The following GREM2 variants were observed in gnomAD, a reference collection of about 807,000 sequenced individuals.
The protein encoded by GREM2 is gremlin 2, DAN family BMP antagonist.
Under a neutral mutation model 14.2 loss-of-function variants are expected in GREM2, and 11 were observed. That is an observed-to-expected ratio of 0.78 (90% CI 0.49 to 1.28). GREM2 has a LOEUF of 1.28. GREM2 is among the 50% of genes most tolerant of loss of function. GREM2 has a pLI of 0.00. For missense variants in GREM2, 210 were observed against 218.5 expected (o/e 0.96, Z 0.24); for synonymous variants, 98 against 97.6 (o/e 1.00, Z -0.02).
intron 1 of GREM2, among the ~76,000 whole-genome samples, chr1:240,495,804 G>GTCTAA (rs1677400030): frequency 2.6e-5 from 4 of 152,134 alleles, no homozygotes; most frequent in African/African-American, 9.7e-5. Flanking sequence ...AACCACAAGA[G>GTCTAA]GCCTTTGCAT....
chr1:240,605,795 C>T (rs1403001345), intron 1 of GREM2, among the ~76,000 whole-genome samples: 1 of 151,978 alleles, frequency 6.6e-6, no homozygotes, highest in Non-Finnish European at 1.5e-5. Flanking sequence ...GATAAATTTA[C>T]AGGAACACCT....
chr1:240,597,684 G>C (rs1034507899), intron 1 of GREM2, among the ~76,000 whole-genome samples: 1 of 152,190 alleles, frequency 6.6e-6, no homozygotes, highest in South Asian at 2.1e-4. Context: ...CTCAATAAAT[G>C]TTTGTTGAAT....
At position 240,493,181 on chromosome 1, in the gene GREM2, C is replaced by T. The variant is rs1677305907; in HGVS notation, c.295G>A (p.Gly99Ser). 1.2e-6 allele frequency: 2 copies of T among 1,613,992 alleles called. No homozygotes were observed. Among genetic ancestry groups the T allele is most frequent in the African/African-American group, 1.3e-5 (1 of 74,914 alleles). Residue 99 changes from glycine (G) to serine (S), a missense_variant, in exon 2 of 2, where the codon GGC (glycine) becomes AGC (serine). Transcript: ENST00000318160. ...GGGATGTAGAAGGAGTTGCACTGGC[C>T]GTAGCAGAAGCGGTTGAGGATGGTG... is the stretch of plus-strand genomic sequence containing the variant. ...SRTILNRFCYGQCNSFYIPRH... is the reference protein window; with the variant it reads ...SRTILNRFCYSQCNSFYIPRH...
rs147577780 is a variant in GREM2, at chr1:240,587,811, A to G, written c.-2+24073T>C. On this transcript the variant is annotated intron_variant, in intron 1 of 1. Coordinates refer to ENST00000318160, the MANE Select transcript of GREM2 (RefSeq NM_022469.4). ...TTCTGTGTTTTTATTGTGAAAGAAC[A>G]CCCTACCTATGCTAGATTCTGAATC... is the stretch of plus-strand genomic sequence containing the variant. 3.8e-3 allele frequency among the ~76,000 whole-genome samples: 572 copies of G among 152,252 alleles called. 4 individuals are homozygous for G. Among genetic ancestry groups the G allele is most frequent in the African/African-American group, 0.012 (511 of 41,548 alleles).
At chr1:240,554,271 TG>T (rs1678912167) in intron 1 of GREM2, among the ~76,000 whole-genome samples, 2 of 151,482 alleles carry the variant, frequency 1.3e-5, no homozygotes, top group Admixed American at 1.3e-4. Flanking sequence ...ATTAGCCGGG[TG>T]TGGTAGCGGG....
At chr1:240,512,195 G>T (rs1291064377) in intron 1 of GREM2, among the ~76,000 whole-genome samples, 1 of 152,026 alleles carries the variant, frequency 6.6e-6, no homozygotes, top group African/African-American at 2.4e-5. Flanking sequence ...TTTTTCTCAA[G>T]AAAAATACAA....
intron 1 of GREM2, among the ~76,000 whole-genome samples, chr1:240,555,150 A>AAAGAAAG (rs1558161021): frequency 6.6e-5 from 10 of 150,742 alleles, no homozygotes; most frequent in African/African-American, 2.2e-4. Context: ...CATCTCAAAA[A>AAAGAAAG]AAAGAAAGAA....
At chr1:240,497,911 G>A (rs957608195) in intron 1 of GREM2, among the ~76,000 whole-genome samples, 4 of 152,072 alleles carry the variant, frequency 2.6e-5, no homozygotes, top group Non-Finnish European at 5.9e-5. Context: ...AATAATTTCC[G>A]AAATTATTAA....
intron 1 of GREM2, among the ~76,000 whole-genome samples, chr1:240,575,107 CA>C (rs918508660): frequency 1.5e-4 from 22 of 143,000 alleles, no homozygotes; most frequent in Middle Eastern, 3.5e-3. Flanking sequence ...ACTCTGTCTC[CA>C]AAAAAAAAAT....
At chr1:240,532,177 A>G (rs1572385821) in intron 1 of GREM2, among the ~76,000 whole-genome samples, 1 of 151,080 alleles carries the variant, frequency 6.6e-6, no homozygotes, top group East Asian at 2.0e-4. Flanking sequence ...TCCGCCTCCC[A>G]GGTTCAAGTG....
At chr1:240,507,283 TCCTC>T (rs1011481913) in intron 1 of GREM2, among the ~76,000 whole-genome samples, 5 of 151,564 alleles carry the variant, frequency 3.3e-5, no homozygotes, top group African/African-American at 9.7e-5. Flanking sequence ...CTTCCTGCCT[TCCTC>T]CCTCCCTCCC....
intron 1 of GREM2, among the ~76,000 whole-genome samples, chr1:240,551,418 G>A (rs753699085): frequency 5.9e-5 from 9 of 151,850 alleles, no homozygotes; most frequent in Admixed American, 2.0e-4. Context: ...GCGCAATCTC[G>A]GCCCACTGCA....
chr1:240,500,423 C>T (rs1056406961), intron 1 of GREM2, among the ~76,000 whole-genome samples: 4 of 151,954 alleles, frequency 2.6e-5, no homozygotes, highest in Admixed American at 6.6e-5. Flanking sequence ...CTCAGCCTCC[C>T]GAGTAACTGG....
chr1:240,557,142 C>T (rs981464174), intron 1 of GREM2, among the ~76,000 whole-genome samples: 9 of 151,350 alleles, frequency 5.9e-5, no homozygotes, highest in African/African-American at 2.2e-4. Flanking sequence ...TGCACTCCAG[C>T]CTGGGTGACA....
chr1:240,526,730 C>T (rs571678482), intron 1 of GREM2, among the ~76,000 whole-genome samples: 1 of 152,300 alleles, frequency 6.6e-6, no homozygotes, highest in South Asian at 2.1e-4. Flanking sequence ...TGTTCTTTTG[C>T]TGTTCCAAAT....
At chr1:240,509,081 T>C (rs1677741803) in intron 1 of GREM2, among the ~76,000 whole-genome samples, 1 of 152,188 alleles carries the variant, frequency 6.6e-6, no homozygotes, top group East Asian at 1.9e-4. Context: ...AATTTCCCCA[T>C]GTTTAGAGTA....
chr1:240,547,224 G>T (rs1307752591), intron 1 of GREM2, among the ~76,000 whole-genome samples: 2 of 152,110 alleles, frequency 1.3e-5, no homozygotes, highest in Non-Finnish European at 2.9e-5. Context: ...ATGGAGGCCA[G>T]GCACGGTGCC....
Position 240,607,080 on chromosome 1 carries a change from G to C in GREM2, c.-2+4804C>G, listed in dbSNP as rs1033945403. The stretch of plus-strand genomic sequence containing the variant: ...TGAGGATAATAACACTACTAGCTAA[G>C]ATTTTTGTAAGGATTAGATGATACC... On this transcript the variant is annotated intron_variant, in intron 1 of 1. Coordinates refer to ENST00000318160, the MANE Select transcript of GREM2 (RefSeq NM_022469.4). Among the ~76,000 whole-genome samples, 7 of 152,180 alleles carry C rather than the reference G, an allele frequency of 4.6e-5. No individual in the cohort carries two copies. In the East Asian group the frequency reaches 1.3e-3, roughly 29 times the overall value.
intron 1 of GREM2, among the ~76,000 whole-genome samples, chr1:240,544,127 A>G (rs1370158112): frequency 6.6e-6 from 1 of 151,606 alleles, no homozygotes; most frequent in African/African-American, 2.4e-5. Flanking sequence ...AAGACTGTGC[A>G]TAGATTATAT....
Sources: gnomAD v4.1 joint callset for allele counts (sites outside exome capture counted in the v4.1 genomes callset) on GRCh38, gnomAD v4.1.1 for gene constraint, MANE v1.5 for transcripts, NCBI Gene and HGNC (gene_info 2026-07-23, HGNC 2026-07-21) for gene names.